PIK3CG: variants seen among roughly 807,000 people sequenced by gnomAD.
PIK3CG encodes phosphatidylinositol-4,5-bisphosphate 3-kinase catalytic subunit gamma.
A neutral mutation model predicts 102.3 loss-of-function variants in PIK3CG; 55 were observed. That is an observed-to-expected ratio of 0.54 (90% confidence interval 0.43 to 0.67). PIK3CG has a LOEUF of 0.67. Among genes scored for constraint, PIK3CG ranks in the 30% least tolerant of loss-of-function variants. The probability of loss-of-function intolerance (pLI) is 0.00; values close to 1 mark genes in which losing one functional copy is unlikely to be tolerated. For synonymous variants in PIK3CG, 552 were observed against 540.0 expected (o/e 1.02, Z -0.31); for missense variants, 1,258 against 1,391.8 (o/e 0.90, Z 1.53).
At chr7:106,901,827 G>T (rs1323047754) in intron 10 of PIK3CG, among the ~76,000 whole-genome samples, 1 of 152,182 alleles carries the variant, frequency 6.6e-6, no homozygotes, top group East Asian at 1.9e-4. Flanking sequence ...AGGTATGTTA[G>T]TGAGGTATTT....
Position 106,868,107 on chromosome 7 carries a change from C to T in PIK3CG, c.546C>T (p.Thr182=), listed in dbSNP as rs538103313. The change falls in exon 2 of 11, where the codon ACC becomes ACT. Residue 182 remains threonine, a synonymous_variant. Transcript: ENST00000496166. This position sits in a 1 kb window ranked among gnomAD's most constrained non-coding sequence, Gnocchi z 6.2. ...ELEFTRRGLV[T]PRMAEVASRD... is the part of the protein sequence containing the mutation. ...AGTTCACGCGCCGTGGCTTGGTGACCCCGCGCATGGCGGAGGTGGCCAGCC... is the reference window on the plus strand; with the variant it reads ...AGTTCACGCGCCGTGGCTTGGTGACTCCGCGCATGGCGGAGGTGGCCAGCC... 178 of 1,613,036 alleles carry T rather than the reference C, an allele frequency of 1.1e-4. 1 individual carries two copies. In the East Asian group the frequency reaches 3.6e-3, roughly 33 times the overall value.
In PIK3CG at chr7:106,868,139, C is replaced by T. The variant is rs771251636; in HGVS notation, c.578C>T (p.Pro193Leu). The T allele has an allele frequency of 6.2e-7, 1 of 1,613,246 alleles. No individual in the cohort carries two copies. The highest frequency in any genetic ancestry group is 2.2e-5 in the East Asian group (1 of 44,832). ...PRMAEVASRD[P>L]KLYAMHPWVT... is the part of the protein sequence containing the mutation. The stretch of plus-strand genomic sequence containing the variant: ...ATGGCGGAGGTGGCCAGCCGCGACC[C>T]CAAGCTCTACGCCATGCACCCGTGG... Residue 193 changes from proline (P) to leucine (L), a missense_variant, in exon 2 of 11, where the codon CCC becomes CTC. Pro to Leu is a moderately conservative substitution (Grantham distance 98, BLOSUM62 -3). Around this residue, in one of 2 missense-constraint regions of PIK3CG, gnomAD observed 832 missense variants for 787.5 expected, o/e 1.06. Transcript: ENST00000496166. The surrounding 1 kb of genome is among the most constrained non-coding windows in gnomAD (Gnocchi z 6.2).
chr7:106,867,846 C>A lies in PIK3CG; in HGVS notation c.285C>A (p.His95Gln). 1 of 1,612,830 alleles carries A rather than the reference C, an allele frequency of 6.2e-7. No homozygotes were observed. Among genetic ancestry groups the A allele is most frequent in the South Asian group, 1.1e-5 (1 of 91,088 alleles). ...TCTACCACCGGCTGGGACCGCATCACTTCCTCCTGCTCTATCAGAAGAAGG... is the reference window on the plus strand; with the variant it reads ...TCTACCACCGGCTGGGACCGCATCAATTCCTCCTGCTCTATCAGAAGAAGG... ...ADFYHRLGPHHFLLLYQKKGQ... is the reference protein window; with the variant it reads ...ADFYHRLGPHQFLLLYQKKGQ... Residue 95 changes from histidine (H) to glutamine (Q), a missense_variant, in exon 2 of 11, where the codon CAC (histidine) becomes CAA (glutamine). Around this residue, in one of 2 missense-constraint regions of PIK3CG, gnomAD observed 832 missense variants for 787.5 expected, o/e 1.06. Coordinates refer to ENST00000496166, the MANE Select transcript of PIK3CG (RefSeq NM_001282426.2). The surrounding 1 kb of genome is among the most constrained non-coding windows in gnomAD (Gnocchi z 5.1).
At chr7:106,887,353 A>T (rs1338188298) in intron 10 of PIK3CG, among the ~76,000 whole-genome samples, 1 of 152,192 alleles carries the variant, frequency 6.6e-6, no homozygotes, top group African/African-American at 2.4e-5. Flanking sequence ...AGTACATCTT[A>T]AACATGATTT....
rs1791250192 is a variant in PIK3CG, at chr7:106,891,027, C to A, written c.3030+4735C>A. On this transcript the variant is annotated intron_variant, in intron 10 of 10. Transcript: ENST00000496166. This position sits in a 1 kb window ranked among gnomAD's most constrained non-coding sequence, Gnocchi z 4.4. ...CCTTCATTGCATGTATCACAAAATA[C>A]ATTTATTTGTACTGGTTTTCTGTTT... Among the ~76,000 whole-genome samples, 1 of 152,250 alleles carries A rather than the reference C, an allele frequency of 6.6e-6. No homozygotes were observed. Among genetic ancestry groups the A allele is most frequent in the African/African-American group, 2.4e-5 (1 of 41,478 alleles).
At chr7:106,887,547 C>CT (rs1791136676) in intron 10 of PIK3CG, among the ~76,000 whole-genome samples, 1 of 152,158 alleles carries the variant, frequency 6.6e-6, no homozygotes, top group African/African-American at 2.4e-5. Context: ...GATTACAAGA[C>CT]TTACCCTCCC....
In PIK3CG at chr7:106,883,126, A is replaced by G. The variant is rs1790992880; in HGVS notation, c.2723A>G (p.Asn908Ser). The G allele has an allele frequency of 6.2e-7, 1 of 1,614,016 alleles. No individual in the cohort carries two copies. The highest frequency in any genetic ancestry group is 1.7e-5 in the Admixed American group (1 of 59,998). The change falls in exon 8 of 11, where the codon AAT (asparagine) becomes AGT (serine). Residue 908 changes from asparagine (N) to serine (S), a missense_variant. Transcript: ENST00000496166. This position sits in a 1 kb window ranked among gnomAD's most constrained non-coding sequence, Gnocchi z 5.8. ...NTGAFKDEVL[N>S]HWLKEKSPTE... is the part of the protein sequence containing the mutation. Reference sequence around the variant, plus strand: ...GGAGCATTTAAAGATGAAGTCCTGAATCACTGGCTCAAAGAAAAATCCCCT... The same window carrying G: ...GGAGCATTTAAAGATGAAGTCCTGAGTCACTGGCTCAAAGAAAAATCCCCT...
rs1791312507 is a variant in PIK3CG at position 106,893,248 on chromosome 7, G to T, written c.3030+6956G>T. ...TCAGGCTCCCCTGTCTCAGTGTGAA[G>T]ACTTTCAGTACTCACTATCTCTCCA... On this transcript the variant is annotated intron_variant, in intron 10 of 10. Transcript: ENST00000496166. The surrounding 1 kb of genome is among the most constrained non-coding windows in gnomAD (Gnocchi z 4.4). Among the ~76,000 whole-genome samples, 3 of 152,210 alleles carry T rather than the reference G, an allele frequency of 2.0e-5. No homozygotes were observed. In the South Asian group the frequency reaches 6.2e-4, roughly 32 times the overall value.
chr7:106,906,914 T>A lies in PIK3CG; in HGVS notation c.*1527T>A. 2 of 227,556 alleles carry A rather than the reference T, an allele frequency of 8.8e-6. No homozygotes were observed. Among genetic ancestry groups the A allele is most frequent in the Non-Finnish European group, 1.7e-5 (2 of 114,956 alleles). The allele number at this position is 227,556 out of a possible 1,614,324, so 14.1% of individuals were successfully genotyped here. On this transcript the variant is annotated 3_prime_UTR_variant, in exon 11 of 11. Transcript: ENST00000496166. ...AAGAAGAATCAACAGGGACACTTTT[T>A]AAAAACACTCTTATCAGCCTGGGCA...
At position 106,884,350 on chromosome 7, in the gene PIK3CG, G is replaced by C; in HGVS notation, c.2872+84G>C. ...TTTACTATTTTAACTCTAATTAACT[G>C]TAAGTGTTCAGTTCAGTGGCATTAC... On this transcript the variant is annotated intron_variant, in intron 9 of 10. Coordinates refer to ENST00000496166, the MANE Select transcript of PIK3CG (RefSeq NM_001282426.2). The surrounding 1 kb of genome is among the most constrained non-coding windows in gnomAD (Gnocchi z 4.2). 1.1e-6 allele frequency: 1 copy of C among 885,394 alleles called. No individual in the cohort carries two copies. The highest frequency in any genetic ancestry group is 1.8e-6 in the Non-Finnish European group (1 of 548,260). The allele number at this position is 885,394 out of a possible 1,614,324, so 54.8% of individuals were successfully genotyped here. A position where few individuals can be genotyped will look rare whatever the true frequency, so the allele number is the denominator to read the frequency against.
At position 106,883,917 on chromosome 7, in the gene PIK3CG, T is replaced by G. The variant is rs1294171148; in HGVS notation, c.2761-238T>G. Among the ~76,000 whole-genome samples the G allele has an allele frequency of 6.6e-6, 1 of 152,230 alleles. No individual in the cohort carries two copies. The highest frequency in any genetic ancestry group is 2.4e-5 in the African/African-American group (1 of 41,470). ...GTGAACCCTTTGATTAAATTACTGT[T>G]GCCCTTTGACTCTTGTTTCTTCCTC... On this transcript the variant is annotated intron_variant, in intron 8 of 10. Coordinates refer to ENST00000496166, the MANE Select transcript of PIK3CG (RefSeq NM_001282426.2). This position sits in a 1 kb window ranked among gnomAD's most constrained non-coding sequence, Gnocchi z 5.8.
intron 10 of PIK3CG, among the ~76,000 whole-genome samples, chr7:106,900,925 C>T (rs1354386343): frequency 4.6e-5 from 7 of 152,104 alleles, no homozygotes; most frequent in Admixed American, 2.0e-4. Flanking sequence ...TGGAGAGGTC[C>T]GCTGTTAGCC....
rs145539077 is a variant in PIK3CG at position 106,869,524 on chromosome 7, G to T, written c.1963G>T (p.Asp655Tyr). 5 of 1,613,176 alleles carry T rather than the reference G, an allele frequency of 3.1e-6. No individual in the cohort carries two copies. The highest frequency in any genetic ancestry group is 4.2e-6 in the Non-Finnish European group (5 of 1,179,422). ...GAAACTGGAGAGCTTGGAGGACGAT[G>T]ATGTTCTGCATTACCTTCTACAATT... ...VQKLESLEDD[D>Y]VLHYLLQLVQ... The change falls in exon 2 of 11, where the codon GAT (aspartate) becomes TAT (tyrosine). Residue 655 changes from aspartate (D) to tyrosine (Y), a missense_variant. Physicochemically the swap from Asp to Tyr is radical, Grantham distance 160. Transcript: ENST00000496166. This position sits in a 1 kb window ranked among gnomAD's most constrained non-coding sequence, Gnocchi z 5.3.
Position 106,906,951 on chromosome 7 carries a change from C to T in PIK3CG, c.*1564C>T, listed in dbSNP as rs930199663. ...TATCAGCCTGGGCAACACAGTGAGA[C>T]TCCATCTCTTAAAAAAAAAATTAGC... On this transcript the variant is annotated 3_prime_UTR_variant, in exon 11 of 11. Coordinates refer to ENST00000496166, the MANE Select transcript of PIK3CG (RefSeq NM_001282426.2). 11 of 217,510 alleles carry T rather than the reference C, an allele frequency of 5.1e-5. No homozygotes were observed. The highest frequency in any genetic ancestry group is 2.5e-4 in the African/African-American group (11 of 43,894). The allele number at this position is 217,510 out of a possible 1,614,324, so 13.5% of individuals were successfully genotyped here.
At chr7:106,871,430 C>T (rs1343784354) in intron 2 of PIK3CG, among the ~76,000 whole-genome samples, 1 of 152,144 alleles carries the variant, frequency 6.6e-6, no homozygotes, top group Non-Finnish European at 1.5e-5. Flanking sequence ...CATGATGAAG[C>T]CACTAGTGAT....
intron 6 of PIK3CG, among the ~76,000 whole-genome samples, chr7:106,881,226 C>T (rs1790922355): frequency 6.6e-6 from 1 of 152,140 alleles, no homozygotes; most frequent in South Asian, 2.1e-4. Flanking sequence ...AGGTGTGAGC[C>T]ATCATGCCCA....
Position 106,905,698 on chromosome 7 carries a change from A to G in PIK3CG, c.*311A>G, listed in dbSNP as rs534803148. Reference sequence around the variant, plus strand: ...TCCCTGATATTTTGACTATCTTACTATTGAGTGCTTCTGGAAATTCTTTGG... The same window carrying G: ...TCCCTGATATTTTGACTATCTTACTGTTGAGTGCTTCTGGAAATTCTTTGG... On this transcript the variant is annotated 3_prime_UTR_variant, in exon 11 of 11. Transcript: ENST00000496166. This position sits in a 1 kb window ranked among gnomAD's most constrained non-coding sequence, Gnocchi z 5.6. 1.4e-4 allele frequency: 44 copies of G among 321,932 alleles called. No individual in the cohort carries two copies. In the South Asian group the frequency reaches 3.4e-3, roughly 25 times the overall value. 19.9% of individuals were successfully genotyped at this position (321,932 alleles called of 1,614,324 possible).
rs755019022 is a variant in PIK3CG at position 106,872,492 on chromosome 7, G to A, written c.1996-45G>A. The A allele has an allele frequency of 1.1e-5, 16 of 1,459,028 alleles. No homozygotes were observed. The African/African-American group carries it at 1.4e-4, about 13-fold the overall frequency. The allele number at this position is 1,459,028 out of a possible 1,614,324, so 90.4% of individuals were successfully genotyped here. ...TCCATTTCCTTTTCCCTGATTCAACGACATAGAGTACAGTCCTACAAATGC... is the reference window on the plus strand; with the variant it reads ...TCCATTTCCTTTTCCCTGATTCAACAACATAGAGTACAGTCCTACAAATGC... On this transcript the variant is annotated intron_variant, in intron 2 of 10. Coordinates refer to ENST00000496166, the MANE Select transcript of PIK3CG (RefSeq NM_001282426.2). The surrounding 1 kb of genome is among the most constrained non-coding windows in gnomAD (Gnocchi z 5.3).
chr7:106,877,745 G>T lies in PIK3CG; in HGVS notation c.2392-1774G>T, dbSNP rs189676895. ...TTCTGTTCCACTGATCTAAATGTCTGTCCTTACATCAATACCACACATTCT... is the reference window on the plus strand; with the variant it reads ...TTCTGTTCCACTGATCTAAATGTCTTTCCTTACATCAATACCACACATTCT... On this transcript the variant is annotated intron_variant, in intron 5 of 10. Transcript: ENST00000496166. The surrounding 1 kb of genome is among the most constrained non-coding windows in gnomAD (Gnocchi z 4.5). 1.3e-5 allele frequency among the ~76,000 whole-genome samples: 2 copies of T among 152,214 alleles called. No individual in the cohort carries two copies. Among genetic ancestry groups the T allele is most frequent in the Non-Finnish European group, 2.9e-5 (2 of 68,022 alleles).
Sources: allele counts gnomAD v4.1 joint callset (sites outside exome capture counted in the v4.1 genomes callset), GRCh38; gene constraint gnomAD v4.1.1; regional missense constraint gnomAD v4.1.1; non-coding constraint Gnocchi (gnomAD v3.1); transcripts MANE v1.5; gene names NCBI Gene and HGNC (gene_info 2026-07-23, HGNC 2026-07-21).